AZIN1: variants seen among roughly 807,000 people sequenced by gnomAD.
AZIN1 encodes the protein ornithine decarboxylase antizyme inhibitor.
In AZIN1, 12 loss-of-function variants were observed where a neutral mutation model predicts 47.4. The ratio of observed to expected loss-of-function variants is 0.25; its 90% CI spans 0.16 to 0.41. AZIN1 has a LOEUF of 0.41. AZIN1 is among the 10% of genes least tolerant of loss of function. The probability of loss-of-function intolerance (pLI) is 1.00; values close to 1 mark genes in which losing one functional copy is unlikely to be tolerated. For synonymous variants in AZIN1, 155 were observed against 176.3 expected, an observed-to-expected ratio of 0.88 and a Z score of 0.96; for missense variants, 410 against 532.4, an observed-to-expected ratio of 0.77 and a Z score of 2.26.
chr8:102,850,921 T>C (rs765620482), intron 2 of AZIN1, among the ~76,000 whole-genome samples: 4 of 152,212 alleles, frequency 2.6e-5, no homozygotes, highest in Non-Finnish European at 5.9e-5. Flanking sequence ...GAAGTGCCTG[T>C]GTAAAGACTG....
rs1289945277 is a variant in AZIN1 at position 102,827,972 on chromosome 8, C to T, written c.*595G>A. ...TCAAAACTACCTTTGCTAGCTAGCCCCTTTCCCAAAGTTTTAGCCTGAAAA... is the reference window on the plus strand; with the variant it reads ...TCAAAACTACCTTTGCTAGCTAGCCTCTTTCCCAAAGTTTTAGCCTGAAAA... On this transcript the variant is annotated 3_prime_UTR_variant, in exon 12 of 12. Transcript: ENST00000337198. The T allele has an allele frequency of 6.6e-6, 1 of 152,496 alleles. No individual in the cohort carries two copies. Among genetic ancestry groups the T allele is most frequent in the Non-Finnish European group, 1.5e-5 (1 of 67,992 alleles). The allele number at this position is 152,496 out of a possible 1,614,324, so 9.4% of individuals were successfully genotyped here.
At chr8:102,836,151 T>A (rs1811809406) in intron 6 of AZIN1, 105 bp downstream of exon 6, 7 of 1,278,062 alleles carry the variant, frequency 5.5e-6, no homozygotes, top group South Asian at 2.9e-5. Flanking sequence ...CTAGAAAAAA[T>A]TGCATCTTAG....
intron 2 of AZIN1, among the ~76,000 whole-genome samples, chr8:102,853,729 CTG>C (rs1161224694): frequency 2.2e-4 from 33 of 152,218 alleles, no homozygotes; most frequent in South Asian, 2.1e-4. Flanking sequence ...GATATACAGA[CTG>C]TGTATTTCAA....
At chr8:102,837,069 C>T (rs1466334578) in intron 5 of AZIN1, among the ~76,000 whole-genome samples, 2 of 152,184 alleles carry the variant, frequency 1.3e-5, no homozygotes, top group African/African-American at 4.8e-5. Context: ...CAAGGGTGCA[C>T]CACCACGCCC....
At chr8:102,850,662 C>CTTATTGTCTATAACTCAAT in intron 2 of AZIN1, among the ~76,000 whole-genome samples, 1 of 152,226 alleles carries the variant, frequency 6.6e-6, no homozygotes, top group South Asian at 2.1e-4. Flanking sequence ...TAGACAATAA[C>CTTATTGTCTATAACTCAAT]AACAGCCTAC....
rs748733825 is a variant in AZIN1, at chr8:102,829,930, T to C, written c.911A>G (p.Lys304Arg). 1 of 1,595,176 alleles carries C rather than the reference T, an allele frequency of 6.3e-7. No individual in the cohort carries two copies. The highest frequency in any genetic ancestry group is 8.6e-7 in the Non-Finnish European group (1 of 1,168,668). Reference protein sequence around the residue: ...ENDKFPSGVEKTGSDEPAFMY... With the variant: ...ENDKFPSGVERTGSDEPAFMY... ...GAAGGCTGGTTCATCACTTCCGGTT[T>C]TTTCTACTGGAATAAAACAGGAAAG... Residue 304 changes from lysine (K) to arginine (R), a missense_variant, in exon 10 of 12, where the codon AAA (lysine) becomes AGA (arginine). Coordinates refer to ENST00000337198, the MANE Select transcript of AZIN1 (RefSeq NM_148174.4).
chr8:102,834,311 A>T (rs1811675894), intron 7 of AZIN1, 48 bp from the exon 8 acceptor site: 1 of 1,475,698 alleles, frequency 6.8e-7, no homozygotes, highest in East Asian at 2.3e-5. Context: ...ATTGTAATGG[A>T]TATGAGAACA....
chr8:102,847,988 G>A (rs1435072346), intron 2 of AZIN1, among the ~76,000 whole-genome samples: 2 of 152,114 alleles, frequency 1.3e-5, no homozygotes, highest in Non-Finnish European at 2.9e-5. Context: ...AATAAGGACA[G>A]ATCAAATATA....
intron 3 of AZIN1, among the ~76,000 whole-genome samples, chr8:102,842,115 G>C (rs977252265): frequency 4.1e-5 from 6 of 146,416 alleles, no homozygotes; most frequent in African/African-American, 1.5e-4. Context: ...TCGTCTCAAA[G>C]AGAAAAAAAA....
At chr8:102,840,928 C>T (rs192940042) in intron 3 of AZIN1, among the ~76,000 whole-genome samples, 22 of 152,004 alleles carry the variant, frequency 1.4e-4, no homozygotes, top group Non-Finnish European at 2.1e-4. Flanking sequence ...TATGGTATTC[C>T]GGAGACACAA....
chr8:102,830,725 A>G (rs1438542015), intron 9 of AZIN1, among the ~76,000 whole-genome samples: 1 of 152,198 alleles, frequency 6.6e-6, no homozygotes, highest in African/African-American at 2.4e-5. Context: ...ATGCAAATTA[A>G]AACCACAATG....
chr8:102,840,919 A>C (rs954161828), intron 3 of AZIN1, among the ~76,000 whole-genome samples: 5 of 152,242 alleles, frequency 3.3e-5, no homozygotes, highest in Non-Finnish European at 4.4e-5. Flanking sequence ...TATGATATCT[A>C]TGGTATTCCG....
chr8:102,840,529 G>C lies in AZIN1; in HGVS notation c.103-706C>G, dbSNP rs116992604. On this transcript the variant is annotated intron_variant, in intron 3 of 11. Transcript: ENST00000337198. ...CCAACCAGGAAACCATTTTTAAAAAGACAAGGTTGTTAGTCTGCACATGGA... is the reference window on the plus strand; with the variant it reads ...CCAACCAGGAAACCATTTTTAAAAACACAAGGTTGTTAGTCTGCACATGGA... Among the ~76,000 whole-genome samples the C allele has an allele frequency of 2.7e-3, 410 of 152,174 alleles. 2 individuals are homozygous for C. The highest frequency in any genetic ancestry group is 5.1e-3 in the Admixed American group (78 of 15,278).
At chr8:102,836,820 G>C (rs557552697) in intron 5 of AZIN1, among the ~76,000 whole-genome samples, 8 of 152,274 alleles carry the variant, frequency 5.3e-5, no homozygotes, top group Admixed American at 2.0e-4. Context: ...AAACCTCCAT[G>C]GTTACTGCAA....
At chr8:102,844,124 T>G (rs1274189637) in intron 2 of AZIN1, among the ~76,000 whole-genome samples, 2 of 152,218 alleles carry the variant, frequency 1.3e-5, no homozygotes, top group Non-Finnish European at 2.9e-5. Flanking sequence ...AGTATCTGCA[T>G]CCAAGAAATC....
At chr8:102,851,483 G>GCA in intron 2 of AZIN1, among the ~76,000 whole-genome samples, 2 of 152,134 alleles carry the variant, frequency 1.3e-5, no homozygotes, top group Non-Finnish European at 2.9e-5. Context: ...TGACGCAGGT[G>GCA]GATCATGAGA....
chr8:102,846,279 C>G (rs1437277255), intron 2 of AZIN1, among the ~76,000 whole-genome samples: 1 of 152,228 alleles, frequency 6.6e-6, no homozygotes, highest in Non-Finnish European at 1.5e-5. Context: ...TCAAGTCTTA[C>G]TGGCTGACTA....
chr8:102,859,704 T>C (rs768287048), intron 1 of AZIN1, among the ~76,000 whole-genome samples: 8 of 152,078 alleles, frequency 5.3e-5, no homozygotes, highest in Non-Finnish European at 1.2e-4. Flanking sequence ...GGCATGGCGG[T>C]GCACACCTGT....
At chr8:102,843,100 C>G (rs1422881382) in intron 3 of AZIN1, among the ~76,000 whole-genome samples, 2 of 149,850 alleles carry the variant, frequency 1.3e-5, no homozygotes, top group Admixed American at 1.3e-4. Context: ...CTAGCTAATT[C>G]AGGAGGCTGA....
Sources: allele counts gnomAD v4.1 joint callset (sites outside exome capture counted in the v4.1 genomes callset), GRCh38; gene constraint gnomAD v4.1.1; transcripts MANE v1.5; gene names NCBI Gene and HGNC (gene_info 2026-07-23, HGNC 2026-07-21).